CFAP61: variants seen among roughly 807,000 people sequenced by gnomAD.
The protein encoded by CFAP61 is cilia and flagella associated protein 61, also known as cilia- and flagella-associated protein 61.
Under a neutral mutation model 135.6 loss-of-function variants are expected in CFAP61, and 107 were observed. The ratio of observed to expected loss-of-function variants is 0.79; its 90% CI spans 0.67 to 0.93. The LOEUF (loss-of-function observed/expected upper bound fraction) is 0.93, where lower values mean the gene tolerates loss of function less well. CFAP61 is among the 40% of genes least tolerant of loss of function. The pLI is 0.00. For synonymous variants in CFAP61, 575 were observed against 578.5 expected (o/e 0.99, Z 0.09); for missense variants, 1,507 against 1,556.2 (o/e 0.97, Z 0.53).
At chr20:20,187,118 A>G (rs2055559284) in intron 13 of CFAP61, among the ~76,000 whole-genome samples, 1 of 152,164 alleles carries the variant, frequency 6.6e-6, no homozygotes, top group Non-Finnish European at 1.5e-5. Flanking sequence ...TGCCTGCCCA[A>G]GGTGGGGACA....
chr20:20,288,598 T>A lies in CFAP61; in HGVS notation c.2797-11T>A. ...GATAACTGAATATTGCTGTAATTGT[T>A]CACTTCGTAGATGTTCTTCAGCTTC... On this transcript the variant is annotated splice_polypyrimidine_tract_variant and intron_variant, in intron 22 of 26. Transcript: ENST00000245957. 6.2e-7 allele frequency: 1 copy of A among 1,602,402 alleles called. No individual in the cohort carries two copies. Among genetic ancestry groups the A allele is most frequent in the Non-Finnish European group, 8.5e-7 (1 of 1,170,036 alleles).
At chr20:20,065,708 A>G (rs2045202087) in intron 2 of CFAP61, among the ~76,000 whole-genome samples, 1 of 152,122 alleles carries the variant, frequency 6.6e-6, no homozygotes, top group African/African-American at 2.4e-5. Flanking sequence ...AGGAATGAAT[A>G]AAACTGATCT....
intron 8 of CFAP61, among the ~76,000 whole-genome samples, chr20:20,133,702 CT>C (rs2146726518): frequency 6.6e-6 from 1 of 152,284 alleles, no homozygotes; most frequent in East Asian, 1.9e-4. Flanking sequence ...GATTGGTCTC[CT>C]GATTTGTGAT....
chr20:20,145,952 C>A (rs1268792657), intron 9 of CFAP61, among the ~76,000 whole-genome samples: 1 of 152,210 alleles, frequency 6.6e-6, no homozygotes, highest in Non-Finnish European at 1.5e-5. Context: ...GGCAGAAAAT[C>A]AGTAAGGATA....
At chr20:20,081,437 A>T (rs573884231) in intron 6 of CFAP61, among the ~76,000 whole-genome samples, 1 of 152,362 alleles carries the variant, frequency 6.6e-6, no homozygotes, top group African/African-American at 2.4e-5. Flanking sequence ...ACTGAAAATG[A>T]CATGTATAGA....
intron 25 of CFAP61, among the ~76,000 whole-genome samples, chr20:20,324,474 A>G (rs985879271): frequency 6.6e-6 from 1 of 152,070 alleles, no homozygotes; most frequent in Non-Finnish European, 1.5e-5. Context: ...TTTATCTTTC[A>G]TGGAATAGCT....
chr20:20,086,506 T>C (rs954401642), intron 6 of CFAP61, among the ~76,000 whole-genome samples: 1 of 152,056 alleles, frequency 6.6e-6, no homozygotes, highest in African/African-American at 2.4e-5. Flanking sequence ...CTCATCATTT[T>C]TTATGGACTT....
rs559113733 is a variant in CFAP61 at position 20,060,922 on chromosome 20, G to A, written c.143+4126G>A. 4.3e-4 allele frequency among the ~76,000 whole-genome samples: 66 copies of A among 152,296 alleles called. No individual in the cohort carries two copies. In the South Asian group the frequency reaches 0.011, roughly 26 times the overall value. ...CAGCTGCCAACCATGCAAGTAAGCC[G>A]TCTTAGACACTGAGTCTTCAGATGG... On this transcript the variant is annotated intron_variant, in intron 2 of 26. Coordinates refer to ENST00000245957, the MANE Select transcript of CFAP61 (RefSeq NM_015585.4).
chr20:20,138,212 G>C (rs1262582526), intron 8 of CFAP61, among the ~76,000 whole-genome samples: 1 of 152,222 alleles, frequency 6.6e-6, no homozygotes, highest in African/African-American at 2.4e-5. Flanking sequence ...GTGAGATGCG[G>C]TGCCTGGGAT....
intron 9 of CFAP61, among the ~76,000 whole-genome samples, chr20:20,146,464 C>T (rs1169235070): frequency 6.6e-6 from 1 of 152,108 alleles, no homozygotes; most frequent in Non-Finnish European, 1.5e-5. Flanking sequence ...AGAAAATACC[C>T]CTTTTCTAAA....
At chr20:20,158,212 G>A (rs1208185606) in intron 9 of CFAP61, among the ~76,000 whole-genome samples, 1 of 151,374 alleles carries the variant, frequency 6.6e-6, no homozygotes, top group Non-Finnish European at 1.5e-5. Flanking sequence ...TGCACAATGT[G>A]CACATGTACC....
At chr20:20,064,032 A>ACCCCCCCCCCCCCCCCC (rs373522191) in intron 2 of CFAP61, among the ~76,000 whole-genome samples, 3 of 113,218 alleles carry the variant, frequency 2.6e-5, no homozygotes, top group Non-Finnish European at 5.9e-5. Context: ...AAATAGAGTA[A>ACCCCCCCCCCCCCCCCC]CCGCCCCCCA....
intron 25 of CFAP61, among the ~76,000 whole-genome samples, chr20:20,321,177 G>A (rs142742328): frequency 1.3e-5 from 2 of 152,206 alleles, no homozygotes; most frequent in East Asian, 3.9e-4. Flanking sequence ...AGAGAGAAGT[G>A]AGGGTTTGTG....
At chr20:20,167,560 G>A (rs1254409746) in intron 12 of CFAP61, among the ~76,000 whole-genome samples, 2 of 151,888 alleles carry the variant, frequency 1.3e-5, no homozygotes, top group Non-Finnish European at 2.9e-5. Flanking sequence ...TGGACGACAG[G>A]AAAAAAAATA....
At chr20:20,081,926 C>T (rs1201926250) in intron 6 of CFAP61, among the ~76,000 whole-genome samples, 2 of 152,154 alleles carry the variant, frequency 1.3e-5, no homozygotes, top group East Asian at 3.8e-4. Context: ...GAAATGGTGA[C>T]AGTATGGCAG....
chr20:20,357,245 G>T (rs1314693814), intron 26 of CFAP61, among the ~76,000 whole-genome samples: 1 of 53,914 alleles, frequency 1.9e-5, no homozygotes, highest in African/African-American at 8.3e-5. Context: ...GCGAGTGGAG[G>T]TAGTCACACT....
At chr20:20,336,654 T>G (rs2058202974) in intron 25 of CFAP61, among the ~76,000 whole-genome samples, 2 of 151,976 alleles carry the variant, frequency 1.3e-5, no homozygotes, top group Admixed American at 1.3e-4. Context: ...TAAGAAAATT[T>G]GGAAGTATTC....
intron 25 of CFAP61, among the ~76,000 whole-genome samples, chr20:20,305,158 A>T (rs1009829559): frequency 1.3e-5 from 2 of 152,112 alleles, no homozygotes; most frequent in African/African-American, 2.4e-5. Flanking sequence ...GGTGGCCTAC[A>T]TTTACTGGCT....
intron 10 of CFAP61, among the ~76,000 whole-genome samples, chr20:20,160,728 C>A (rs79219068): frequency 2.0e-5 from 3 of 152,292 alleles, no homozygotes; most frequent in African/African-American, 7.2e-5. Flanking sequence ...TGGAGCCCCA[C>A]CCATATCCTC....
Sources: gnomAD v4.1 joint callset for allele counts (sites outside exome capture counted in the v4.1 genomes callset) on GRCh38, gnomAD v4.1.1 for gene constraint, MANE v1.5 for transcripts, NCBI Gene and HGNC (gene_info 2026-07-23, HGNC 2026-07-21) for gene names.